CYFIP2: variants seen among roughly 807,000 people sequenced by gnomAD.
CYFIP2 encodes the protein cytoplasmic FMR1 interacting protein 2.
In CYFIP2, 29 loss-of-function variants were observed where a neutral mutation model predicts 158.7. The ratio of observed to expected loss-of-function variants is 0.18; its 90% CI spans 0.14 to 0.25. The LOEUF (loss-of-function observed/expected upper bound fraction) is 0.25, where lower values mean the gene tolerates loss of function less well. Among genes scored for constraint, CYFIP2 ranks in the 10% least tolerant of loss-of-function variants. The probability of loss-of-function intolerance (pLI) is 1.00; values close to 1 mark genes in which losing one functional copy is unlikely to be tolerated. For missense variants in CYFIP2, 852 were observed against 1,639.5 expected (o/e 0.52, Z 8.29); for synonymous variants, 585 against 617.6 (o/e 0.95, Z 0.78).
intron 30 of CYFIP2, among the ~76,000 whole-genome samples, chr5:157,392,189 C>T (rs1488756883): frequency 5.3e-5 from 8 of 151,938 alleles, no homozygotes; most frequent in African/African-American, 1.5e-4. Context: ...TTCTATTTTT[C>T]GGTTGCCTTT....
intron 11 of CYFIP2, among the ~76,000 whole-genome samples, chr5:157,313,237 A>G (rs1759882943): frequency 6.6e-6 from 1 of 152,214 alleles, no homozygotes; most frequent in African/African-American, 2.4e-5. Flanking sequence ...CAACTGATCC[A>G]TATATAACCT....
intron 5 of CYFIP2, among the ~76,000 whole-genome samples, 188 bp from the exon 6 acceptor site, chr5:157,300,526 TC>T (rs1266392191): frequency 1.7e-5 from 2 of 116,790 alleles, no homozygotes; most frequent in African/African-American, 3.2e-5. Context: ...GAAGCAAGAC[TC>T]CGTCTCAAAA....
chr5:157,284,999 T>TC (rs1222482693), intron 1 of CYFIP2, among the ~76,000 whole-genome samples: 23 of 152,256 alleles, frequency 1.5e-4, no homozygotes, highest in African/African-American at 5.3e-4. Flanking sequence ...CCACTTGAGG[T>TC]CCCTCGCTTG....
intron 2 of CYFIP2, among the ~76,000 whole-genome samples, chr5:157,286,363 T>C (rs1757378100): frequency 6.7e-6 from 1 of 150,090 alleles, no homozygotes; most frequent in Non-Finnish European, 1.5e-5. Context: ...TGTATATATA[T>C]GCATATATAT....
chr5:157,347,987 T>C (rs1216340685), intron 23 of CYFIP2, among the ~76,000 whole-genome samples: 4 of 152,200 alleles, frequency 2.6e-5, no homozygotes, highest in East Asian at 1.9e-4. Context: ...GTGAAGGAGA[T>C]AAAGTATCTG....
intron 1 of CYFIP2, among the ~76,000 whole-genome samples, chr5:157,274,374 A>T (rs948743636): frequency 6.6e-6 from 1 of 152,226 alleles, no homozygotes; most frequent in Non-Finnish European, 1.5e-5. Flanking sequence ...TTCACTTAGC[A>T]TAATATTGTC....
chr5:157,322,977 C>T, intron 15 of CYFIP2: 2 of 1,536,056 alleles, frequency 1.3e-6, no homozygotes, highest in Non-Finnish European at 1.7e-6. Context: ...TGTTTCACCC[C>T]ACTGGTGGCA....
intron 5 of CYFIP2, among the ~76,000 whole-genome samples, chr5:157,298,887 C>T (rs370910636): frequency 2.0e-5 from 3 of 152,294 alleles, no homozygotes; most frequent in South Asian, 2.1e-4. Flanking sequence ...CATGTTACAG[C>T]GTGTATCAGA....
At chr5:157,290,719 A>G (rs1757755602) in intron 3 of CYFIP2, among the ~76,000 whole-genome samples, 1 of 152,070 alleles carries the variant, frequency 6.6e-6, no homozygotes, top group African/African-American at 2.4e-5. Context: ...TAACACCAAA[A>G]TCTCCCTTCA....
At chr5:157,309,898 G>A (rs77340059) in intron 10 of CYFIP2, 64 bp downstream of exon 10, 4 of 1,467,778 alleles carry the variant, frequency 2.7e-6, no homozygotes, top group Non-Finnish European at 3.7e-6. Context: ...AGAGAGCCGA[G>A]GGGCCACTTC....
rs747638094 is a variant in CYFIP2 at position 157,330,801 on chromosome 5, A to G, written c.2216A>G (p.Tyr739Cys). The change falls in exon 20 of 31, where the codon TAT becomes TGT. Residue 739 changes from tyrosine (Y) to cysteine (C), a missense_variant. Physicochemically the swap from Tyr to Cys is radical, Grantham distance 194. This residue lies in a region of CYFIP2 where 191 missense variants were observed against 311.2 expected (regional missense o/e 0.61). Transcript: ENST00000620254. ...AAGAATTATGGCGTCATCATTCCGT[A>G]TCCACCGTCCAATCGCTATGAAACA... ...ECKNYGVIIP[Y>C]PPSNRYETLL... 7 of 1,613,938 alleles carry G rather than the reference A, an allele frequency of 4.3e-6. No homozygotes were observed. In the East Asian group the frequency reaches 8.9e-5, roughly 21 times the overall value.
intron 5 of CYFIP2, 27 bp downstream of exon 5, chr5:157,296,801 C>T (rs1003047760): frequency 3.2e-6 from 5 of 1,580,836 alleles, no homozygotes; most frequent in Admixed American, 1.7e-5. Context: ...AGGTCTGCAT[C>T]TGGAGAACTG....
chr5:157,312,647 C>A (rs1190705745), intron 11 of CYFIP2, among the ~76,000 whole-genome samples: 1 of 152,212 alleles, frequency 6.6e-6, no homozygotes, highest in Non-Finnish European at 1.5e-5. Context: ...CAAACCCCAA[C>A]TCAGGAGATG....
At chr5:157,298,084 G>A (rs748541949) in intron 5 of CYFIP2, among the ~76,000 whole-genome samples, 61 of 152,214 alleles carry the variant, frequency 4.0e-4, no homozygotes, top group South Asian at 1.2e-3. Flanking sequence ...GCTCAATCGG[G>A]GCCATCATTT....
At chr5:157,329,574 T>C (rs550897048) in intron 19 of CYFIP2, among the ~76,000 whole-genome samples, 2 of 152,362 alleles carry the variant, frequency 1.3e-5, no homozygotes, top group East Asian at 1.9e-4. Flanking sequence ...TTTAAATTTT[T>C]TAGCAGACAT....
intron 26 of CYFIP2, among the ~76,000 whole-genome samples, chr5:157,379,192 CT>C (rs1765789504): frequency 6.6e-6 from 1 of 152,092 alleles, no homozygotes; most frequent in Non-Finnish European, 1.5e-5. Context: ...CCCTCTCTTC[CT>C]TTCAAAATTT....
At chr5:157,320,862 GATC>G in intron 15 of CYFIP2, 60 bp downstream of exon 15, 7 of 1,460,174 alleles carry the variant, frequency 4.8e-6, no homozygotes, top group Non-Finnish European at 6.3e-6. Flanking sequence ...GGCTATGGTA[GATC>G]ATCATGGCTG....
At chr5:157,340,003 T>C (rs543350779) in intron 22 of CYFIP2, among the ~76,000 whole-genome samples, 1 of 152,218 alleles carries the variant, frequency 6.6e-6, no homozygotes, top group East Asian at 1.9e-4. Context: ...AGATTGTATG[T>C]TTGTAAGGAT....
Position 157,389,460 on chromosome 5 carries a change from C to G in CYFIP2, c.3446+33C>G, listed in dbSNP as rs1767043679. The G allele has an allele frequency of 3.3e-6, 5 of 1,507,822 alleles. No homozygotes were observed. The African/African-American group carries it at 4.1e-5, about 12-fold the overall frequency. The allele number at this position is 1,507,822 out of a possible 1,614,324, so 93.4% of individuals were successfully genotyped here. A position where few individuals can be genotyped will look rare whatever the true frequency, so the allele number is the denominator to read the frequency against. On this transcript the variant is annotated intron_variant, in intron 29 of 30. Coordinates refer to ENST00000620254, the MANE Select transcript of CYFIP2 (RefSeq NM_001037333.3). ...CCCCCCAGAGAAGGCAGGGTTACCC[C>G]CAACCTGCCTGTGCTCCTGCAAGTC...
Sources: gnomAD v4.1 joint callset for allele counts (sites outside exome capture counted in the v4.1 genomes callset) on GRCh38, gnomAD v4.1.1 for gene constraint, gnomAD v4.1.1 regional missense constraint, MANE v1.5 for transcripts, NCBI Gene and HGNC (gene_info 2026-07-23, HGNC 2026-07-21) for gene names.